The following RAD54B variants were observed in gnomAD, a reference collection of about 807,000 sequenced individuals.
RAD54B encodes the protein RAD54 homolog B.
Under a neutral mutation model 95.8 loss-of-function variants are expected in RAD54B, and 78 were observed. The ratio of observed to expected loss-of-function variants is 0.81; its 90% CI spans 0.68 to 0.98. The LOEUF is 0.98. Among genes scored for constraint, RAD54B ranks in the 50% least tolerant of loss-of-function variants. The probability of loss-of-function intolerance (pLI) is 0.00; values close to 1 mark genes in which losing one functional copy is unlikely to be tolerated. For missense variants in RAD54B, 957 were observed against 1,056.6 expected (o/e 0.91, Z 1.31); for synonymous variants, 328 against 354.9 (o/e 0.92, Z 0.85).
chr8:94,437,676 T>C (rs1276135461), intron 3 of RAD54B, among the ~76,000 whole-genome samples: 1 of 152,216 alleles, frequency 6.6e-6, no homozygotes, highest in Admixed American at 6.5e-5. Context: ...TGCCTTATCA[T>C]GTGTAAAAAA....
rs1384553812 is a variant in RAD54B, at chr8:94,422,604, AAAAAAAAAAAAAAATATATATATATATAT to A, written c.305-11318_305-11290del. ...CTTCGTCTCAAAAAAAAAAAAAAAAAAAAAAAAAAAAAAATATATATATATATATATATATATATATATATATATAAAAT... is the reference window on the plus strand; with the variant it reads ...CTTCGTCTCAAAAAAAAAAAAAAAAAATATATATATATATATATATAAAAT... On this transcript the variant is annotated intron_variant, in intron 3 of 14. Transcript: ENST00000336148. Among the ~76,000 whole-genome samples the A allele has an allele frequency of 3.2e-3, 313 of 99,298 alleles. 4 individuals carry two copies. The highest frequency in any genetic ancestry group is 0.015 in the African/African-American group (297 of 20,482). 65.1% of individuals were successfully genotyped at this position (99,298 alleles called of 152,430 possible). A position where few individuals can be genotyped will look rare whatever the true frequency, so the allele number is the denominator to read the frequency against.
At position 94,433,294 on chromosome 8, in the gene RAD54B, C is replaced by T. The variant is rs184416594; in HGVS notation, c.305-21979G>A. 3.5e-3 allele frequency among the ~76,000 whole-genome samples: 539 copies of T among 152,130 alleles called. 3 individuals are homozygous for T. The highest frequency in any genetic ancestry group is 0.024 in the Middle Eastern group (7 of 294). ...AAACTTCCGTTTTACCTATTCTGAA[C>T]CATATGACTCAGATGCTGTTTAAGT... is the stretch of plus-strand genomic sequence containing the variant. On this transcript the variant is annotated intron_variant, in intron 3 of 14. Coordinates refer to ENST00000336148, the MANE Select transcript of RAD54B (RefSeq NM_012415.3).
At chr8:94,455,633 A>C (rs184390822) in intron 3 of RAD54B, among the ~76,000 whole-genome samples, 1 of 152,320 alleles carries the variant, frequency 6.6e-6, no homozygotes, top group Admixed American at 6.5e-5. Flanking sequence ...GGTGGCTTTA[A>C]ACAACAGAAT....
At chr8:94,395,266 G>C (rs1427196745) in intron 8 of RAD54B, among the ~76,000 whole-genome samples, 1 of 152,156 alleles carries the variant, frequency 6.6e-6, no homozygotes, top group African/African-American at 2.4e-5. Context: ...GTTTGCATGT[G>C]ATTTACAGAG....
intron 3 of RAD54B, among the ~76,000 whole-genome samples, chr8:94,444,318 AAC>A (rs1043307489): frequency 6.6e-6 from 1 of 152,102 alleles, no homozygotes; most frequent in African/African-American, 2.4e-5. Flanking sequence ...GTGTAATGCA[AAC>A]ACATTATGAT....
chr8:94,464,754 G>T (rs1031799634), intron 2 of RAD54B, among the ~76,000 whole-genome samples: 1 of 152,246 alleles, frequency 6.6e-6, no homozygotes, highest in East Asian at 1.9e-4. Context: ...AATTTATAAA[G>T]AAAAGAGGTT....
At chr8:94,429,193 T>C (rs569975111) in intron 3 of RAD54B, 5 of 816,642 alleles carry the variant, frequency 6.1e-6, no homozygotes, top group Non-Finnish European at 7.4e-6. Flanking sequence ...TAAATGCTAA[T>C]GAATTGTGTC....
chr8:94,403,884 TG>T (rs768429580), intron 6 of RAD54B, among the ~76,000 whole-genome samples, 192 bp downstream of exon 6: 2 of 151,902 alleles, frequency 1.3e-5, no homozygotes, highest in Non-Finnish European at 2.9e-5. Flanking sequence ...GCAGTATGTT[TG>T]GCACGTGGCA....
At position 94,406,003 on chromosome 8, in the gene RAD54B, T is replaced by TACACACACACACACACAC. The variant is rs10640285; in HGVS notation, c.781+1418_781+1435dup. 5.4e-5 allele frequency among the ~76,000 whole-genome samples: 8 copies of TACACACACACACACACAC among 148,068 alleles called. No homozygotes were observed. In the East Asian group the frequency reaches 7.9e-4, roughly 15 times the overall value. ...ATTTACTATTTACCTGAAGTGCTTT[T>TACACACACACACACACAC]ACACACACACACACACACACACACA... On this transcript the variant is annotated intron_variant, in intron 5 of 14. Transcript: ENST00000336148.
At chr8:94,402,135 G>C (rs1409862880) in intron 6 of RAD54B, among the ~76,000 whole-genome samples, 1 of 151,970 alleles carries the variant, frequency 6.6e-6, no homozygotes, top group Non-Finnish European at 1.5e-5. Flanking sequence ...TGTCATATCT[G>C]TGATACTATA....
rs34479705 is a variant in RAD54B, at chr8:94,450,820, C to CA, written c.304+7447dup. On this transcript the variant is annotated intron_variant, in intron 3 of 14. Coordinates refer to ENST00000336148, the MANE Select transcript of RAD54B (RefSeq NM_012415.3). The stretch of plus-strand genomic sequence containing the variant: ...GCTTGAATCCAGAATGAGACTGTCT[C>CA]AAAAAAAAAAAAAATTTACTATTAA... Among the ~76,000 whole-genome samples the CA allele has an allele frequency of 9.6e-3, 1,251 of 130,360 alleles. 18 individuals carry two copies. Among genetic ancestry groups the CA allele is most frequent in the African/African-American group, 0.032 (1,107 of 34,780 alleles). 85.5% of individuals were successfully genotyped at this position (130,360 alleles called of 152,430 possible).
intron 14 of RAD54B, among the ~76,000 whole-genome samples, chr8:94,376,712 GATT>G (rs1322359594): frequency 6.7e-6 from 1 of 148,294 alleles, no homozygotes; most frequent in Non-Finnish European, 1.5e-5. Flanking sequence ...TATTGTGCAT[GATT>G]ATATTTATTA....
chr8:94,408,463 A>C (rs1011151326), intron 4 of RAD54B, among the ~76,000 whole-genome samples: 1 of 152,150 alleles, frequency 6.6e-6, no homozygotes, highest in Non-Finnish European at 1.5e-5. Flanking sequence ...GCCATTACCA[A>C]GCAAAGGAGC....
intron 3 of RAD54B, among the ~76,000 whole-genome samples, chr8:94,444,915 C>G (rs545832396): frequency 9.2e-5 from 14 of 152,170 alleles, no homozygotes; most frequent in Non-Finnish European, 1.9e-4. Flanking sequence ...GTTTGGATCT[C>G]TGTGTCCCAG....
intron 3 of RAD54B, among the ~76,000 whole-genome samples, chr8:94,447,419 T>C (rs1169031179): frequency 1.3e-5 from 2 of 152,188 alleles, no homozygotes; most frequent in South Asian, 2.1e-4. Context: ...TCTTATTTAT[T>C]TTAGCCATTC....
At chr8:94,382,798 T>C (rs967871097) in intron 11 of RAD54B, among the ~76,000 whole-genome samples, 1 of 152,182 alleles carries the variant, frequency 6.6e-6, no homozygotes, top group African/African-American at 2.4e-5. Context: ...TTCCCTGCTC[T>C]TGCTAGCTCT....
At position 94,399,464 on chromosome 8, in the gene RAD54B, G is replaced by T. The variant is rs757897401; in HGVS notation, c.1328C>A (p.Thr443Lys). 4 of 1,613,572 alleles carry T rather than the reference G, an allele frequency of 2.5e-6. No individual in the cohort carries two copies. Among genetic ancestry groups the T allele is most frequent in the Admixed American group, 3.3e-5 (2 of 59,960 alleles). ...GHRLKNSAIK[T>K]TTALISLSCE... ...AGAAAGGCTAATGAGGGCTGTAGTT[G>T]TCTTAATGGCACTGTTCTTCAAACG... Residue 443 changes from threonine to lysine, a missense_variant, in exon 8 of 15, where the codon ACA becomes AAA. By Grantham distance (78) the Thr-to-Lys change is moderately conservative. Coordinates refer to ENST00000336148, the MANE Select transcript of RAD54B (RefSeq NM_012415.3).
intron 3 of RAD54B, among the ~76,000 whole-genome samples, chr8:94,413,145 C>T (rs1269202796): frequency 1.3e-5 from 2 of 152,052 alleles, no homozygotes; most frequent in African/African-American, 2.4e-5. Flanking sequence ...TTCCCCAAAA[C>T]GATCAATATA....
At chr8:94,433,162 A>T (rs1812160146) in intron 3 of RAD54B, among the ~76,000 whole-genome samples, 1 of 152,148 alleles carries the variant, frequency 6.6e-6, no homozygotes, top group Non-Finnish European at 1.5e-5. Context: ...TGATTTCTGC[A>T]TTTGCCCAAA....
Sources: gnomAD v4.1 joint callset for allele counts (sites outside exome capture counted in the v4.1 genomes callset) on GRCh38, gnomAD v4.1.1 for gene constraint, MANE v1.5 for transcripts, NCBI Gene and HGNC (gene_info 2026-07-23, HGNC 2026-07-21) for gene names.